Variants in PEMT observed in about 807,000 individuals in gnomAD.
PEMT encodes phosphatidylethanolamine N-methyltransferase, also known as phospholipid methyltransferase.
PEMT carries 23 observed loss-of-function variants against 27.4 expected under a neutral mutation model. The observed-to-expected ratio is 0.84, with a 90% CI of 0.60 to 1.19. PEMT has a LOEUF of 1.19. Ranked by LOEUF, PEMT falls within the 50% of genes most tolerant of loss-of-function variation. The probability of loss-of-function intolerance (pLI) is 0.00; values close to 1 mark genes in which losing one functional copy is unlikely to be tolerated. For missense variants in PEMT, 307 were observed against 310.1 expected (o/e 0.99, Z 0.07); for synonymous variants, 137 against 139.1 (o/e 0.98, Z 0.11).
At chr17:17,590,416 C>G (rs191106909) in intron 1 of PEMT, among the ~76,000 whole-genome samples, 13 of 152,340 alleles carry the variant, frequency 8.5e-5, no homozygotes, top group Non-Finnish European at 1.8e-4. Flanking sequence ...CCAGGTCCCT[C>G]CCTCGCAGAT....
intron 2 of PEMT, among the ~76,000 whole-genome samples, chr17:17,531,621 C>CAAAAAAAAAAAA (rs58165466): frequency 1.3e-4 from 8 of 62,410 alleles, no homozygotes; most frequent in Admixed American, 2.5e-4. Flanking sequence ...CTATCATATG[C>CAAAAAAAAAAAA]AAAAAAAAAA....
chr17:17,543,661 C>G (rs1181424244), intron 2 of PEMT, among the ~76,000 whole-genome samples: 1 of 152,134 alleles, frequency 6.6e-6, no homozygotes, highest in African/African-American at 2.4e-5. Context: ...CTCCCAGGTT[C>G]AAGTGATTCT....
intron 2 of PEMT, among the ~76,000 whole-genome samples, chr17:17,525,377 G>T (rs182192171): frequency 6.6e-5 from 10 of 152,330 alleles, no homozygotes; most frequent in African/African-American, 2.4e-4. Flanking sequence ...CGAGGCAATC[G>T]ATAAACCAGC....
intron 2 of PEMT, among the ~76,000 whole-genome samples, chr17:17,575,358 C>T (rs968002727): frequency 6.6e-6 from 1 of 152,374 alleles, no homozygotes; most frequent in African/African-American, 2.4e-5. Flanking sequence ...GACTTCATCA[C>T]GTCTGCAAAG....
chr17:17,511,540 T>C (rs1906396604), intron 4 of PEMT, among the ~76,000 whole-genome samples: 1 of 152,204 alleles, frequency 6.6e-6, no homozygotes, highest in Admixed American at 6.5e-5. Flanking sequence ...AGGATGGGGA[T>C]GGCAGGCAGG....
chr17:17,540,732 A>C (rs1908819139), intron 2 of PEMT, among the ~76,000 whole-genome samples: 3 of 152,166 alleles, frequency 2.0e-5, no homozygotes, highest in African/African-American at 7.2e-5. Flanking sequence ...AGGGTCGTGC[A>C]GCATGCAGCC....
At chr17:17,586,565 T>C (rs1380812082) in intron 1 of PEMT, among the ~76,000 whole-genome samples, 1 of 152,100 alleles carries the variant, frequency 6.6e-6, no homozygotes, top group East Asian at 1.9e-4. Context: ...AAATGGGAAG[T>C]CTTGGGAAAT....
intron 2 of PEMT, among the ~76,000 whole-genome samples, chr17:17,524,128 A>G (rs1202167950): frequency 2.0e-5 from 3 of 152,194 alleles, no homozygotes; most frequent in Non-Finnish European, 4.4e-5. Context: ...CGACTCCAGT[A>G]TATAAAGATT....
chr17:17,554,030 G>A (rs1909864672), intron 2 of PEMT, among the ~76,000 whole-genome samples: 1 of 152,240 alleles, frequency 6.6e-6, no homozygotes, highest in African/African-American at 2.4e-5. Context: ...CACTGGACCT[G>A]AGACCTGGCC....
intron 2 of PEMT, among the ~76,000 whole-genome samples, chr17:17,531,995 C>A (rs938872900): frequency 4.6e-5 from 7 of 152,118 alleles, no homozygotes; most frequent in Admixed American, 4.6e-4. Context: ...GGACTTATAT[C>A]AAAAATATAT....
intron 2 of PEMT, 45 bp from the exon 3 acceptor site, chr17:17,522,440 A>G (rs1330416504): frequency 1.9e-6 from 2 of 1,062,296 alleles, no homozygotes; most frequent in African/African-American, 1.8e-5. Context: ...TCCTGGGGAG[A>G]CTCCAGGGTG....
chr17:17,547,691 T>C (rs562997810), intron 2 of PEMT, among the ~76,000 whole-genome samples: 1 of 152,022 alleles, frequency 6.6e-6, no homozygotes, highest in East Asian at 2.0e-4. Flanking sequence ...CTCGTCCTCC[T>C]CCTCCTGTCT....
intron 3 of PEMT, among the ~76,000 whole-genome samples, chr17:17,514,623 G>A (rs1906672570): frequency 6.6e-6 from 1 of 152,220 alleles, no homozygotes; most frequent in Non-Finnish European, 1.5e-5. Flanking sequence ...CCGGGCTCAG[G>A]GTCACCCCGC....
intron 2 of PEMT, among the ~76,000 whole-genome samples, chr17:17,555,829 T>C (rs1192926654): frequency 2.0e-5 from 3 of 152,174 alleles, no homozygotes; most frequent in African/African-American, 4.8e-5. Context: ...CCTCTGAATA[T>C]GGCATCTGGG....
At chr17:17,554,378 G>A (rs989888212) in intron 2 of PEMT, among the ~76,000 whole-genome samples, 5 of 152,090 alleles carry the variant, frequency 3.3e-5, no homozygotes, top group Non-Finnish European at 5.9e-5. Flanking sequence ...GAGAGCTGTC[G>A]TGGCCCCAAA....
chr17:17,557,753 T>C (rs1355296900), intron 2 of PEMT, among the ~76,000 whole-genome samples: 1 of 152,126 alleles, frequency 6.6e-6, no homozygotes, highest in African/African-American at 2.4e-5. Flanking sequence ...GACAGGCCAC[T>C]CTCCCAGTTC....
chr17:17,547,006 G>A (rs868153040), intron 2 of PEMT, among the ~76,000 whole-genome samples: 20 of 152,256 alleles, frequency 1.3e-4, no homozygotes, highest in African/African-American at 4.6e-4. Context: ...CTGCGCCCCC[G>A]AAGAGCTGGG....
In PEMT at chr17:17,560,284, GC is replaced by G. The variant is rs374353268; in HGVS notation, c.204+16635del. On this transcript the variant is annotated intron_variant, in intron 2 of 6. Coordinates refer to ENST00000255389, the MANE Select transcript of PEMT (RefSeq NM_148172.3). ...TGGGTGCAGGAGAAATGTGCCCTGG[GC>G]CAGGCCGAGCTGCCCGCCTGGGAGG... 2.6e-5 allele frequency among the ~76,000 whole-genome samples: 4 copies of G among 152,282 alleles called. No individual in the cohort carries two copies. In the East Asian group the frequency reaches 7.7e-4, roughly 29 times the overall value.
At chr17:17,558,788 C>A (rs1259513407) in intron 2 of PEMT, among the ~76,000 whole-genome samples, 1 of 151,956 alleles carries the variant, frequency 6.6e-6, no homozygotes, top group Non-Finnish European at 1.5e-5. Flanking sequence ...TCAGGTGCTC[C>A]ATGTACACTA....
Sources: gnomAD v4.1 joint callset for allele counts (sites outside exome capture counted in the v4.1 genomes callset) on GRCh38, gnomAD v4.1.1 for gene constraint, MANE v1.5 for transcripts, NCBI Gene and HGNC (gene_info 2026-07-23, HGNC 2026-07-21) for gene names.